Variants in HSPA4L observed in about 807,000 individuals in gnomAD.
The protein encoded by HSPA4L is heat shock protein family A (Hsp70) member 4 like.
A neutral mutation model predicts 100.3 loss-of-function variants in HSPA4L; 48 were observed. The observed-to-expected ratio is 0.48, with a 90% CI of 0.38 to 0.61. The LOEUF (loss-of-function observed/expected upper bound fraction) is 0.61, where lower values mean the gene tolerates loss of function less well. HSPA4L is among the 20% of genes least tolerant of loss of function. The pLI, the probability that HSPA4L is intolerant of heterozygous loss-of-function variation, is 0.00. For missense variants in HSPA4L, 886 were observed against 988.6 expected (o/e 0.90, Z 1.39); for synonymous variants, 319 against 328.2 (o/e 0.97, Z 0.30).
intron 12 of HSPA4L, among the ~76,000 whole-genome samples, chr4:127,818,053 T>C (rs1733717722): frequency 1.3e-5 from 2 of 152,108 alleles, no homozygotes. Context: ...TCTTGATTTG[T>C]AAATTTGGCT....
In HSPA4L at chr4:127,833,903, G is replaced by A. The variant is rs193277683; in HGVS notation, c.*1029G>A. On this transcript the variant is annotated 3_prime_UTR_variant, in exon 19 of 19. Transcript: ENST00000296464. ...TATACCATAAGTCTTAGGAAATAATGTTTGTAATAAACTTAACTATGTTAC... is the reference window on the plus strand; with the variant it reads ...TATACCATAAGTCTTAGGAAATAATATTTGTAATAAACTTAACTATGTTAC... 2.2e-4 allele frequency: 33 copies of A among 152,286 alleles called. No homozygotes were observed. Among genetic ancestry groups the A allele is most frequent in the Admixed American group, 1.7e-3 (26 of 15,300 alleles). 9.4% of individuals were successfully genotyped at this position (152,286 alleles called of 1,614,324 possible). A position where few individuals can be genotyped will look rare whatever the true frequency, so the allele number is the denominator to read the frequency against.
rs1277364389 is a variant in HSPA4L, at chr4:127,808,016, A to G, written c.1265A>G (p.Lys422Arg). 4.3e-6 allele frequency: 7 copies of G among 1,609,414 alleles called. No individual in the cohort carries two copies. In the Admixed American group the frequency reaches 1.2e-4, roughly 27 times the overall value. The change falls in exon 11 of 19, where the codon AAG becomes AGG. Residue 422 changes from lysine (K) to arginine (R), a missense_variant. Physicochemically the swap from Lys to Arg is conservative, Grantham distance 26. Transcript: ENST00000296464. ...DGSGECEVFC[K>R]NHPAPFSKVI... ...TTTAGGGAATGTGAAGTTTTCTGTA[A>G]GAACCATCCTGCCCCATTCTCAAAA...
intron 1 of HSPA4L, among the ~76,000 whole-genome samples, chr4:127,789,653 A>C (rs967982147): frequency 6.6e-6 from 1 of 151,962 alleles, no homozygotes; most frequent in Non-Finnish European, 1.5e-5. Flanking sequence ...GTCTCAAAAA[A>C]AAAAAGAAAA....
intron 10 of HSPA4L, among the ~76,000 whole-genome samples, chr4:127,807,506 A>G (rs1186415139): frequency 6.6e-6 from 1 of 152,102 alleles, no homozygotes; most frequent in Non-Finnish European, 1.5e-5. Context: ...GTGCACTCAG[A>G]TGATGAAACA....
At chr4:127,817,094 C>G (rs1388734448) in intron 12 of HSPA4L, among the ~76,000 whole-genome samples, 1 of 152,020 alleles carries the variant, frequency 6.6e-6, no homozygotes, top group Non-Finnish European at 1.5e-5. Flanking sequence ...GAGACAGAGT[C>G]TTGCTCTGTC....
rs943339830 is a variant in HSPA4L, at chr4:127,823,607, A to G, written c.2029A>G (p.Lys677Glu). 1 of 1,610,946 alleles carries G rather than the reference A, an allele frequency of 6.2e-7. No homozygotes were observed. The highest frequency in any genetic ancestry group is 1.3e-5 in the African/African-American group (1 of 75,004). The change falls in exon 16 of 19, where the codon AAG (lysine) becomes GAG (glutamate). Residue 677 changes from lysine (K) to glutamate (E), a missense_variant. Lys to Glu is a moderately conservative substitution (Grantham distance 56, BLOSUM62 1). Transcript: ENST00000296464. Reference sequence around the variant, plus strand: ...CCAACCTAAACAAGTTTATGTGGATAAGCTTCAAGAACTAAAGGTACATTT... The same window carrying G: ...CCAACCTAAACAAGTTTATGTGGATGAGCTTCAAGAACTAAAGGTACATTT... ...EDQPKQVYVD[K>E]LQELKKYGQP...
At chr4:127,828,612 A>AT (rs1276681598) in intron 17 of HSPA4L, among the ~76,000 whole-genome samples, 4 of 152,116 alleles carry the variant, frequency 2.6e-5, no homozygotes, top group African/African-American at 9.6e-5. Context: ...GAAATAAGAG[A>AT]TTTTTTAGTT....
intron 1 of HSPA4L, among the ~76,000 whole-genome samples, chr4:127,783,940 T>G (rs566029327): frequency 5.9e-5 from 9 of 152,208 alleles, no homozygotes; most frequent in African/African-American, 1.7e-4. Flanking sequence ...TTTTAAACGT[T>G]TTGGACGTTT....
Position 127,795,842 on chromosome 4 carries a change from G to C in HSPA4L, c.240G>C (p.Val80=). 1 of 1,613,666 alleles carries C rather than the reference G, an allele frequency of 6.2e-7. No individual in the cohort carries two copies. ...LHGRSFDDPI[V]QTERIRLPYE... Reference sequence around the variant, plus strand: ...GGCGATCATTTGATGATCCCATTGTGCAAACTGAAAGGATCAGGCTTCCCT... The same window carrying C: ...GGCGATCATTTGATGATCCCATTGTCCAAACTGAAAGGATCAGGCTTCCCT... The change falls in exon 3 of 19, where the codon GTG becomes GTC. Residue 80 remains valine, a synonymous_variant. Transcript: ENST00000296464.
chr4:127,821,187 C>G (rs575313787), intron 14 of HSPA4L, among the ~76,000 whole-genome samples: 2 of 152,156 alleles, frequency 1.3e-5, no homozygotes, highest in South Asian at 4.2e-4. Flanking sequence ...GTAGTACCTA[C>G]CTATATCATC....
intron 2 of HSPA4L, 49 bp downstream of exon 2, chr4:127,794,183 T>C: frequency 7.1e-7 from 1 of 1,411,474 alleles, no homozygotes; most frequent in South Asian, 1.2e-5. Flanking sequence ...ATTAACTGAA[T>C]ATTGGTAACT....
chr4:127,793,130 T>G (rs938213250), intron 1 of HSPA4L, among the ~76,000 whole-genome samples: 3 of 152,164 alleles, frequency 2.0e-5, no homozygotes, highest in African/African-American at 7.2e-5. Context: ...TTTCATGATC[T>G]TAGTTTTTAA....
intron 17 of HSPA4L, among the ~76,000 whole-genome samples, chr4:127,830,187 G>A (rs1734043825): frequency 6.6e-6 from 1 of 152,008 alleles, no homozygotes; most frequent in African/African-American, 2.4e-5. Context: ...ATGACTACTT[G>A]GTTGTGTATT....
intron 11 of HSPA4L, chr4:127,809,238 A>C: frequency 7.2e-7 from 1 of 1,394,462 alleles, no homozygotes; most frequent in Non-Finnish European, 1.0e-6. Context: ...GGACAAAGAG[A>C]AAAGAAGACT....
chr4:127,789,626 C>T (rs900612996), intron 1 of HSPA4L, among the ~76,000 whole-genome samples: 3 of 149,688 alleles, frequency 2.0e-5, no homozygotes, highest in East Asian at 1.9e-4. Flanking sequence ...CCAGCCTGGG[C>T]GACAGAGCGA....
intron 1 of HSPA4L, among the ~76,000 whole-genome samples, chr4:127,788,223 A>T (rs1258967245): frequency 2.6e-5 from 4 of 152,086 alleles, no homozygotes; most frequent in Admixed American, 2.6e-4. Flanking sequence ...TTTATTTATG[A>T]TTACCTTTAC....
chr4:127,831,991 CAA>C (rs1462567699), intron 18 of HSPA4L, among the ~76,000 whole-genome samples: 4 of 151,576 alleles, frequency 2.6e-5, no homozygotes, highest in Non-Finnish European at 4.4e-5. Flanking sequence ...TGGAGTGTGA[CAA>C]GAGCAGTTTG....
chr4:127,789,374 C>T (rs1165734735), intron 1 of HSPA4L, among the ~76,000 whole-genome samples: 1 of 152,092 alleles, frequency 6.6e-6, no homozygotes, highest in Non-Finnish European at 1.5e-5. Flanking sequence ...TGGCCGGGCA[C>T]GGTGGCTCAC....
intron 9 of HSPA4L, 30 bp downstream of exon 9, chr4:127,805,254 T>C (rs1733319506): frequency 6.4e-7 from 1 of 1,558,042 alleles, no homozygotes; most frequent in Non-Finnish European, 8.7e-7. Flanking sequence ...TTTTAGAATA[T>C]GTATTTTGCC....
Sources: gnomAD v4.1 joint callset for allele counts (sites outside exome capture counted in the v4.1 genomes callset) on GRCh38, gnomAD v4.1.1 for gene constraint, MANE v1.5 for transcripts, NCBI Gene and HGNC (gene_info 2026-07-23, HGNC 2026-07-21) for gene names.